The following BRINP3 variants were observed in gnomAD, a reference collection of about 807,000 sequenced individuals.
BRINP3 encodes the protein BMP/retinoic acid inducible neural specific 3.
Under a neutral mutation model 71.0 loss-of-function variants are expected in BRINP3, and 19 were observed. That is an observed-to-expected ratio of 0.27 (90% CI 0.19 to 0.39). The LOEUF (loss-of-function observed/expected upper bound fraction) is 0.39. Among genes scored for constraint, BRINP3 ranks in the 10% least tolerant of loss-of-function variants. The probability of loss-of-function intolerance (pLI) is 1.00; values close to 1 mark genes in which losing one functional copy is unlikely to be tolerated. For synonymous variants in BRINP3, 380 were observed against 337.7 expected (o/e 1.13, Z -1.37); for missense variants, 959 against 940.8 (o/e 1.02, Z -0.25).
chr1:190,232,965 A>G (rs1216323894), intron 5 of BRINP3, among the ~76,000 whole-genome samples: 4 of 152,158 alleles, frequency 2.6e-5, no homozygotes, highest in African/African-American at 9.7e-5. Flanking sequence ...ATGTAAATCT[A>G]TAATTGATAT....
At chr1:190,373,494 G>A (rs915797508) in intron 2 of BRINP3, among the ~76,000 whole-genome samples, 4 of 150,832 alleles carry the variant, frequency 2.7e-5, no homozygotes, top group Non-Finnish European at 3.0e-5. Context: ...GTGTATATGT[G>A]TATATATATA....
At position 190,472,360 on chromosome 1, in the gene BRINP3, A is replaced by G. The variant is rs567606749; in HGVS notation, c.-51+5088T>C. On this transcript the variant is annotated intron_variant, in intron 1 of 7. Transcript: ENST00000367462. Reference sequence around the variant, plus strand: ...ACCCTTTATTACGATGTGAAAGAAAAAAACATTAAAAGCCTTAGAAGAGAA... The same window carrying G: ...ACCCTTTATTACGATGTGAAAGAAAGAAACATTAAAAGCCTTAGAAGAGAA... 5.9e-5 allele frequency among the ~76,000 whole-genome samples: 9 copies of G among 151,786 alleles called. No individual in the cohort carries two copies. The East Asian group carries it at 1.7e-3, about 29-fold the overall frequency.
chr1:190,463,922 A>T (rs563797719), intron 1 of BRINP3, among the ~76,000 whole-genome samples: 19 of 152,006 alleles, frequency 1.2e-4, no homozygotes, highest in Middle Eastern at 3.4e-3. Context: ...TGTTTTGCAC[A>T]ATGTAGGCCA....
In BRINP3 at chr1:190,224,934, C is replaced by G. The variant is rs1446742304; in HGVS notation, c.961+1148G>C. On this transcript the variant is annotated intron_variant, in intron 6 of 7. Coordinates refer to ENST00000367462, the MANE Select transcript of BRINP3 (RefSeq NM_199051.3). ...CACTAATTATCAGAGAAATGCAAGTCAAAACTACAATTTAAAATGGGTTGT... is the reference window on the plus strand; with the variant it reads ...CACTAATTATCAGAGAAATGCAAGTGAAAACTACAATTTAAAATGGGTTGT... 4.6e-5 allele frequency among the ~76,000 whole-genome samples: 7 copies of G among 151,788 alleles called. 1 individual carries two copies. Among genetic ancestry groups the G allele is most frequent in the Non-Finnish European group, 1.0e-4 (7 of 67,864 alleles).
chr1:190,176,317 C>T (rs1257605642), intron 6 of BRINP3, among the ~76,000 whole-genome samples: 1 of 152,108 alleles, frequency 6.6e-6, no homozygotes, highest in Non-Finnish European at 1.5e-5. Flanking sequence ...TCAGTTATGG[C>T]TCCCATTGGT....
At position 190,453,203 on chromosome 1, in the gene BRINP3, A is replaced by ATTTTTTTTTTTTTTTTTTTTTTTT. The variant is rs1190785225; in HGVS notation, c.236+1428_236+1451dup. Among the ~76,000 whole-genome samples, 58 of 40,908 alleles carry ATTTTTTTTTTTTTTTTTTTTTTTT rather than the reference A, an allele frequency of 1.4e-3. 22 individuals carry two copies. The highest frequency in any genetic ancestry group is 4.7e-3 in the South Asian group (3 of 640). 26.8% of individuals were successfully genotyped at this position (40,908 alleles called of 152,430 possible). On this transcript the variant is annotated intron_variant, in intron 2 of 7. Coordinates refer to ENST00000367462, the MANE Select transcript of BRINP3 (RefSeq NM_199051.3). ...ACTTTTCAGAAAGAAAAACTTTAGT[A>ATTTTTTTTTTTTTTTTTTTTTTTT]TTTTTTTTTTTTTTTTTTTTTTTTT...
Position 190,190,983 on chromosome 1 carries a change from C to T in BRINP3, c.962-30093G>A, listed in dbSNP as rs191023895. Among the ~76,000 whole-genome samples, 278 of 152,170 alleles carry T rather than the reference C, an allele frequency of 1.8e-3. 1 individual carries two copies. The highest frequency in any genetic ancestry group is 6.1e-3 in the African/African-American group (253 of 41,528). ...ATTATAGGCATTATGAACTAGTGATCTGTAAGCAAAGCGATAATGAGGATA... is the reference window on the plus strand; with the variant it reads ...ATTATAGGCATTATGAACTAGTGATTTGTAAGCAAAGCGATAATGAGGATA... On this transcript the variant is annotated intron_variant, in intron 6 of 7. Coordinates refer to ENST00000367462, the MANE Select transcript of BRINP3 (RefSeq NM_199051.3).
chr1:190,401,376 C>CAAAAAAAAAAAAAAAAAAAAAGAAAAAAA (rs1671912932), intron 2 of BRINP3, among the ~76,000 whole-genome samples: 1 of 89,372 alleles, frequency 1.1e-5, no homozygotes, highest in African/African-American at 5.0e-5. Flanking sequence ...CATCTCAAAA[C>CAAAAAAAAAAAAAAAAAAAAAGAAAAAAA]AAAAAAAAAA....
Position 190,365,103 on chromosome 1 carries a change from C to T in BRINP3, c.237-83353G>A, listed in dbSNP as rs1438609528. ...ATATTAAGACATTAAAAGATACTAA[C>T]TACAAAATCATTTCTGATTGCATTA... On this transcript the variant is annotated intron_variant, in intron 2 of 7. Transcript: ENST00000367462. Among the ~76,000 whole-genome samples the T allele has an allele frequency of 2.0e-5, 3 of 152,212 alleles. No homozygotes were observed. In the South Asian group the frequency reaches 6.2e-4, roughly 32 times the overall value.
chr1:190,219,204 C>A (rs556991996), intron 6 of BRINP3, among the ~76,000 whole-genome samples: 2 of 152,070 alleles, frequency 1.3e-5, no homozygotes, highest in South Asian at 4.2e-4. Flanking sequence ...CAGACATTTA[C>A]CCATAAGAAA....
chr1:190,427,091 G>A (rs1385699316), intron 2 of BRINP3, among the ~76,000 whole-genome samples: 1 of 151,756 alleles, frequency 6.6e-6, no homozygotes, highest in Non-Finnish European at 1.5e-5. Context: ...CAAAGACTTT[G>A]TGTATTACAT....
chr1:190,368,370 C>T lies in BRINP3; in HGVS notation c.236+86285G>A, dbSNP rs527404992. On this transcript the variant is annotated intron_variant, in intron 2 of 7. Transcript: ENST00000367462. Reference sequence around the variant, plus strand: ...ACCCACATGATTAAATTACCTCCCGCTGGGTCTCTCCTGCGGCAGGCCATG... The same window carrying T: ...ACCCACATGATTAAATTACCTCCCGTTGGGTCTCTCCTGCGGCAGGCCATG... Among the ~76,000 whole-genome samples, 7 of 152,194 alleles carry T rather than the reference C, an allele frequency of 4.6e-5. No homozygotes were observed. The South Asian group carries it at 1.5e-3, about 32-fold the overall frequency.
At chr1:190,458,560 A>G (rs1676165086) in intron 1 of BRINP3, among the ~76,000 whole-genome samples, 1 of 152,048 alleles carries the variant, frequency 6.6e-6, no homozygotes, top group Non-Finnish European at 1.5e-5. Flanking sequence ...ACTAATTTAT[A>G]AATTATTACT....
Position 190,240,259 on chromosome 1 carries a change from C to A in BRINP3, c.619-5782G>T, listed in dbSNP as rs191843144. On this transcript the variant is annotated intron_variant, in intron 4 of 7. Transcript: ENST00000367462. The stretch of plus-strand genomic sequence containing the variant: ...AGCAAGTTATTTTAAATATGCAATT[C>A]TTATTATTATAATTACTATGCAGGT... 2.0e-3 allele frequency among the ~76,000 whole-genome samples: 305 copies of A among 151,898 alleles called. 2 individuals are homozygous for A. Among genetic ancestry groups the A allele is most frequent in the African/African-American group, 6.5e-3 (271 of 41,484 alleles).
At position 190,369,578 on chromosome 1, in the gene BRINP3, G is replaced by C. The variant is rs113124164; in HGVS notation, c.236+85077C>G. 5.2e-3 allele frequency among the ~76,000 whole-genome samples: 782 copies of C among 151,802 alleles called. 6 individuals carry two copies. Among genetic ancestry groups the C allele is most frequent in the African/African-American group, 0.018 (734 of 41,454 alleles). On this transcript the variant is annotated intron_variant, in intron 2 of 7. Coordinates refer to ENST00000367462, the MANE Select transcript of BRINP3 (RefSeq NM_199051.3). ...AATGTACAATCTCTGAGTATATAAT[G>C]ACAAAACATTTTGACAAAAAGACAA...
chr1:190,198,577 C>T (rs1278355387), intron 6 of BRINP3, among the ~76,000 whole-genome samples: 1 of 152,188 alleles, frequency 6.6e-6, no homozygotes, highest in East Asian at 1.9e-4. Flanking sequence ...GCACCAGATG[C>T]CCTAAATCAT....
chr1:190,281,763 T>C lies in BRINP3; in HGVS notation c.237-13A>G, dbSNP rs1208342093. ...GCGGCCAAACTCCCTGAAAAGCAAA[T>C]TTATTTTTATTCATAAATGCATAAT... On this transcript the variant is annotated splice_polypyrimidine_tract_variant and intron_variant, in intron 2 of 7. Coordinates refer to ENST00000367462, the MANE Select transcript of BRINP3 (RefSeq NM_199051.3). 6.2e-7 allele frequency: 1 copy of C among 1,600,050 alleles called. No homozygotes were observed. The highest frequency in any genetic ancestry group is 8.5e-7 in the Non-Finnish European group (1 of 1,174,686).
At chr1:190,201,584 C>T (rs1480256412) in intron 6 of BRINP3, among the ~76,000 whole-genome samples, 2 of 152,166 alleles carry the variant, frequency 1.3e-5, no homozygotes, top group African/African-American at 2.4e-5. Context: ...GCAGCCTCTC[C>T]TATTGCAGTC....
intron 6 of BRINP3, among the ~76,000 whole-genome samples, chr1:190,170,727 A>C (rs775894091): frequency 6.6e-6 from 1 of 152,212 alleles, no homozygotes. Context: ...TGGAAAAATT[A>C]TAATGTGTGT....
Sources: allele counts gnomAD v4.1 joint callset (sites outside exome capture counted in the v4.1 genomes callset), GRCh38; gene constraint gnomAD v4.1.1; transcripts MANE v1.5; gene names NCBI Gene and HGNC (gene_info 2026-07-23, HGNC 2026-07-21).